The following ISY1 variants were observed in gnomAD, a reference collection of about 807,000 sequenced individuals.
ISY1 encodes pre-mRNA-splicing factor ISY1 homolog.
ISY1 carries 12 observed loss-of-function variants against 54.4 expected under a neutral mutation model. That is an observed-to-expected ratio of 0.22 (90% CI 0.14 to 0.36). The LOEUF is 0.36. ISY1 is among the 10% of genes least tolerant of loss of function. The pLI is 1.00. For missense variants in ISY1, 282 were observed against 342.2 expected, an observed-to-expected ratio of 0.82 and a Z score of 1.39; for synonymous variants, 96 against 117.9, an observed-to-expected ratio of 0.81 and a Z score of 1.20.
chr3:129,143,517 A>C (rs888962525), intron 6 of ISY1, among the ~76,000 whole-genome samples: 3 of 151,570 alleles, frequency 2.0e-5, no homozygotes, highest in African/African-American at 4.8e-5. Context: ...AAAAAAAAAA[A>C]AAAACTAAAC....
At chr3:129,137,914 C>CAAAAAAAAAAAAAAAA in intron 7 of ISY1, among the ~76,000 whole-genome samples, 1 of 38,142 alleles carries the variant, frequency 2.6e-5, no homozygotes, top group Non-Finnish European at 5.5e-5. Context: ...GACTCCATGT[C>CAAAAAAAAAAAAAAAA]AAAAAAAAAA....
intron 2 of ISY1, 117 bp from the exon 3 acceptor site, chr3:129,158,676 T>C (rs2107622089): frequency 2.9e-6 from 4 of 1,380,124 alleles, no homozygotes; most frequent in Middle Eastern, 1.8e-4. Flanking sequence ...GTCATTCATA[T>C]ACAAATATTG....
chr3:129,135,503 T>C lies in ISY1; in HGVS notation c.419-549A>G, dbSNP rs971223429. On this transcript the variant is annotated intron_variant, in intron 7 of 10. Coordinates refer to ENST00000393295, the MANE Select transcript of ISY1 (RefSeq NM_020701.4). ...AAACCAGGCCGGGTGCGGTGACTCA[T>C]GCCTGTAATCCCAGCACTTTGGGAG... Among the ~76,000 whole-genome samples, 11 of 152,226 alleles carry C rather than the reference T, an allele frequency of 7.2e-5. No homozygotes were observed. In the South Asian group the frequency reaches 1.2e-3, roughly 17 times the overall value.
intron 9 of ISY1, among the ~76,000 whole-genome samples, chr3:129,133,619 G>A (rs1029028011): frequency 7.9e-5 from 12 of 152,138 alleles, no homozygotes; most frequent in African/African-American, 2.2e-4. Flanking sequence ...GCTTGAACCC[G>A]GAAGGCAGAG....
chr3:129,135,049 T>C, intron 7 of ISY1, 95 bp from the exon 8 acceptor site: 1 of 1,436,698 alleles, frequency 7.0e-7, no homozygotes, highest in Middle Eastern at 1.9e-4. Context: ...ACGTGGCACG[T>C]ATGTTCATGA....
At chr3:129,135,366 A>T (rs1936360526) in intron 7 of ISY1, among the ~76,000 whole-genome samples, 1 of 151,918 alleles carries the variant, frequency 6.6e-6, no homozygotes, top group Admixed American at 6.6e-5. Flanking sequence ...AATACCATGG[A>T]TAGACACTTT....
At chr3:129,134,629 G>A (rs1936335422) in intron 8 of ISY1, among the ~76,000 whole-genome samples, 1 of 152,170 alleles carries the variant, frequency 6.6e-6, no homozygotes, top group Admixed American at 6.5e-5. Flanking sequence ...GGCTCTCATG[G>A]CTTCCCCAAC....
chr3:129,155,052 G>A (rs1937097412), intron 5 of ISY1, among the ~76,000 whole-genome samples: 1 of 151,744 alleles, frequency 6.6e-6, no homozygotes, highest in South Asian at 2.1e-4. Flanking sequence ...TGTTTTCAAT[G>A]CTATTGATTT....
chr3:129,130,451 T>G (rs1004769488), intron 10 of ISY1, 99 bp downstream of exon 10: 3 of 1,459,980 alleles, frequency 2.1e-6, no homozygotes, highest in Non-Finnish European at 2.8e-6. Flanking sequence ...TGAGCTGCCC[T>G]GATGGGTAGG....
At chr3:129,130,899 G>T (rs191768327) in intron 9 of ISY1, among the ~76,000 whole-genome samples, 113 of 152,336 alleles carry the variant, frequency 7.4e-4, no homozygotes, top group Non-Finnish European at 1.2e-3. Context: ...GGGACAGGGT[G>T]AGGAAAGAGA....
At chr3:129,130,707 A>G in intron 9 of ISY1, 71 bp from the exon 10 acceptor site, 1 of 1,518,350 alleles carries the variant, frequency 6.6e-7, no homozygotes, top group Non-Finnish European at 9.0e-7. Context: ...TCTATAAAAC[A>G]CACTACTCTG....
chr3:129,138,164 G>A (rs1303798499), intron 7 of ISY1, among the ~76,000 whole-genome samples: 3 of 150,700 alleles, frequency 2.0e-5, no homozygotes, highest in African/African-American at 4.9e-5. Flanking sequence ...TATAGTACCA[G>A]CTACTCAGGA....
chr3:129,133,636 G>A (rs1301312203), intron 9 of ISY1, among the ~76,000 whole-genome samples: 1 of 152,218 alleles, frequency 6.6e-6, no homozygotes, highest in Non-Finnish European at 1.5e-5. Flanking sequence ...AGAGGTTGCA[G>A]TGAGCCAAGA....
At chr3:129,135,035 A>G in intron 7 of ISY1, 81 bp from the exon 8 acceptor site, 1 of 1,492,482 alleles carries the variant, frequency 6.7e-7, no homozygotes. Flanking sequence ...AACGCTATAC[A>G]CACACGTGGC....
chr3:129,160,839 T>A, intron 1 of ISY1, 134 bp downstream of exon 1: 1 of 1,150,032 alleles, frequency 8.7e-7, no homozygotes, highest in Non-Finnish European at 1.2e-6. Context: ...GAGAATCCCC[T>A]CGTTACACCA....
intron 1 of ISY1, 54 bp downstream of exon 1, chr3:129,160,919 C>CCCCCCA: frequency 4.7e-6 from 2 of 428,612 alleles, no homozygotes; most frequent in South Asian, 1.7e-5. Context: ...GGACTGGGCG[C>CCCCCCA]CCCCCCGCCC....
At chr3:129,130,278 G>T (rs376495194) in intron 10 of ISY1, 90 bp from the exon 11 acceptor site, 1 of 1,472,960 alleles carries the variant, frequency 6.8e-7, no homozygotes, top group Non-Finnish European at 9.0e-7. Context: ...CGTGGGAGAA[G>T]TCCATCAAGG....
In ISY1 at chr3:129,130,104, C is replaced by T; in HGVS notation, c.835G>A (p.Ala279Thr). ...TCCTAATACCCCAGGAGCCTTCTGGCTTCTTCACTTTGGGCCTGCAGGGTC... is the reference window on the plus strand; with the variant it reads ...TCCTAATACCCCAGGAGCCTTCTGGTTTCTTCACTTTGGGCCTGCAGGGTC... Reference protein sequence around the residue: ...SETLQAQSEEARRLLGY With the variant: ...SETLQAQSEETRRLLGY Residue 279 changes from alanine (A) to threonine (T), a missense_variant, in exon 11 of 11, where the codon GCC becomes ACC. By Grantham distance (58) the Ala-to-Thr change is moderately conservative. Coordinates refer to ENST00000393295, the MANE Select transcript of ISY1 (RefSeq NM_020701.4). 2 of 1,609,330 alleles carry T rather than the reference C, an allele frequency of 1.2e-6. No individual in the cohort carries two copies. The highest frequency in any genetic ancestry group is 2.2e-5 in the East Asian group (1 of 44,742).
intron 10 of ISY1, 108 bp from the exon 11 acceptor site, chr3:129,130,296 T>C: frequency 1.4e-6 from 2 of 1,417,928 alleles, no homozygotes; most frequent in Middle Eastern, 2.3e-4. Flanking sequence ...AGGAGTCTGA[T>C]TTAAATACGC....
Sources: gnomAD v4.1 joint callset for allele counts (sites outside exome capture counted in the v4.1 genomes callset) on GRCh38, gnomAD v4.1.1 for gene constraint, MANE v1.5 for transcripts, NCBI Gene and HGNC (gene_info 2026-07-23, HGNC 2026-07-21) for gene names.